Variants in IRAK4 observed in about 807,000 individuals in gnomAD.
IRAK4 encodes the protein interleukin 1 receptor associated kinase 4.
A neutral mutation model predicts 51.8 loss-of-function variants in IRAK4; 44 were observed. The ratio of observed to expected loss-of-function variants is 0.85; its 90% CI spans 0.67 to 1.09. The LOEUF (loss-of-function observed/expected upper bound fraction) is 1.09, where lower values mean the gene tolerates loss of function less well. IRAK4 is among the 50% of genes least tolerant of loss of function. The pLI is 0.00. For synonymous variants in IRAK4, 149 were observed against 174.1 expected (o/e 0.86, Z 1.13); for missense variants, 487 against 538.0 (o/e 0.91, Z 0.94).
chr12:43,785,778 C>T lies in IRAK4; in HGVS notation c.1189-621C>T, dbSNP rs4251541. On this transcript the variant is annotated intron_variant, in intron 10 of 11. Transcript: ENST00000613694. Reference sequence around the variant, plus strand: ...CAAACCTAGATGATATGACCTACGACATACCTGGGCTATATGGTATTGCTC... The same window carrying T: ...CAAACCTAGATGATATGACCTACGATATACCTGGGCTATATGGTATTGCTC... Among the ~76,000 whole-genome samples the T allele has an allele frequency of 8.4e-3, 1,271 of 151,906 alleles. 18 individuals are homozygous for T. Among genetic ancestry groups the T allele is most frequent in the African/African-American group, 0.028 (1,149 of 41,462 alleles).
Position 43,777,695 on chromosome 12 carries a change from T to A in IRAK4, c.782T>A (p.Val261Glu). The A allele has an allele frequency of 1.9e-6, 3 of 1,613,418 alleles. No individual in the cohort carries two copies. Among genetic ancestry groups the A allele is most frequent in the Non-Finnish European group, 2.5e-6 (3 of 1,179,592 alleles). Residue 261 changes from valine (V) to glutamate (E), a missense_variant, in exon 7 of 12, where the codon GTA becomes GAA. Coordinates refer to ENST00000613694, the MANE Select transcript of IRAK4 (RefSeq NM_016123.4). Reference sequence around the variant, plus strand: ...AGTGATGGAGATGACCTCTGCTTAGTATATGTTTACATGCCTAATGGTTCA... The same window carrying A: ...AGTGATGGAGATGACCTCTGCTTAGAATATGTTTACATGCCTAATGGTTCA... ...FSSDGDDLCL[V>E]YVYMPNGSLL...
At chr12:43,759,872 GAAAAAAAAAA>G (rs1160443880) in intron 1 of IRAK4, among the ~76,000 whole-genome samples, 2 of 76,536 alleles carry the variant, frequency 2.6e-5, no homozygotes, top group African/African-American at 7.1e-5. Context: ...CGTCTCAAAA[GAAAAAAAAAA>G]AAAAAAAAGC....
intron 10 of IRAK4, among the ~76,000 whole-genome samples, chr12:43,785,516 CA>C (rs1432877847): frequency 6.6e-6 from 1 of 151,462 alleles, no homozygotes. Flanking sequence ...CTAATGGGAA[CA>C]TATAAGCAAT....
intron 1 of IRAK4, among the ~76,000 whole-genome samples, chr12:43,764,785 A>G (rs1939945787): frequency 6.6e-6 from 1 of 152,088 alleles, no homozygotes; most frequent in Non-Finnish European, 1.5e-5. Flanking sequence ...TTTTCTGCTA[A>G]ACATTTGACT....
chr12:43,768,273 G>C lies in IRAK4; in HGVS notation c.161+1G>C. 6.2e-7 allele frequency: 1 copy of C among 1,602,088 alleles called. No homozygotes were observed. On this transcript the variant is annotated splice_donor_variant, in intron 2 of 11. Transcript: ENST00000613694. LOFTEE classifies it high-confidence loss of function. ...ATAGATACAATCAGTTTCACATAAGGTAACAGATAAAATTCTTTGTATTTT... is the reference window on the plus strand; with the variant it reads ...ATAGATACAATCAGTTTCACATAAGCTAACAGATAAAATTCTTTGTATTTT...
chr12:43,773,179 C>A (rs1940951312), intron 5 of IRAK4, 107 bp downstream of exon 5: 3 of 1,058,026 alleles, frequency 2.8e-6, no homozygotes, highest in East Asian at 2.7e-5. Context: ...TATGTATTTT[C>A]TTTAAATAAA....
chr12:43,768,760 A>G (rs541631741), intron 2 of IRAK4, among the ~76,000 whole-genome samples: 1 of 152,344 alleles, frequency 6.6e-6, no homozygotes, highest in East Asian at 1.9e-4. Flanking sequence ...CTTAAATCTT[A>G]GCTAGGATTT....
At position 43,788,875 on chromosome 12, in the gene IRAK4, T is replaced by TAGCCAATTTCTCC. The variant is rs1401861923; in HGVS notation, c.*2161_*2173dup. On this transcript the variant is annotated 3_prime_UTR_variant, in exon 12 of 12. Coordinates refer to ENST00000613694, the MANE Select transcript of IRAK4 (RefSeq NM_016123.4). ...GCCAGGATCCTGTTGCCCCTTTCTT[T>TAGCCAATTTCTCC]AGCCAATTTCTCCCTTTTGGGACAA... 1 of 152,184 alleles carries TAGCCAATTTCTCC rather than the reference T, an allele frequency of 6.6e-6. No homozygotes were observed. Among genetic ancestry groups the TAGCCAATTTCTCC allele is most frequent in the African/African-American group, 2.4e-5 (1 of 41,444 alleles). 9.4% of individuals were successfully genotyped at this position (152,184 alleles called of 1,614,324 possible).
chr12:43,778,216 G>A lies in IRAK4; in HGVS notation c.855G>A (p.Trp285Ter). 1 of 1,607,446 alleles carries A rather than the reference G, an allele frequency of 6.2e-7. No homozygotes were observed. The highest frequency in any genetic ancestry group is 8.5e-7 in the Non-Finnish European group (1 of 1,174,348). Residue 285 changes from tryptophan (W) to a stop codon, truncating the protein, a stop_gained, in exon 8 of 12, where the codon TGG (tryptophan) becomes TGA (stop). Transcript: ENST00000613694. LOFTEE classifies it high-confidence loss of function. ...AGGATGGTACTCCACCACTTTCTTG[G>A]CACATGAGATGCAAGATTGCTCAGG... ...SCLDGTPPLS[W>*]HMRCKIAQGA...
At chr12:43,773,114 T>C (rs924931349) in intron 5 of IRAK4, 42 bp downstream of exon 5, 5 of 1,544,142 alleles carry the variant, frequency 3.2e-6, no homozygotes, top group Non-Finnish European at 8.9e-7. Flanking sequence ...AGTTGCTTCA[T>C]AGTGTGCCCT....
intron 1 of IRAK4, among the ~76,000 whole-genome samples, chr12:43,764,525 T>G (rs984694182): frequency 6.6e-6 from 1 of 152,224 alleles, no homozygotes; most frequent in African/African-American, 2.4e-5. Context: ...CCTAAAGAAC[T>G]GAGAGTCCTG....
Position 43,765,454 on chromosome 12 carries a change from T to G in IRAK4, c.-9-2649T>G, listed in dbSNP as rs11182255. Among the ~76,000 whole-genome samples the G allele has an allele frequency of 3.3e-5, 5 of 152,324 alleles. No homozygotes were observed. The East Asian group carries it at 9.6e-4, about 29-fold the overall frequency. On this transcript the variant is annotated intron_variant, in intron 1 of 11. Transcript: ENST00000613694. ...TAAAGCATCAGTGATTTCACCATTC[T>G]TCCAACCAACCTCCACCATAAATGT... is the stretch of plus-strand genomic sequence containing the variant.
Position 43,771,357 on chromosome 12 carries a change from T to G in IRAK4, c.299T>G (p.Leu100Trp), listed in dbSNP as rs1235794135. 6.2e-7 allele frequency: 1 copy of G among 1,614,176 alleles called. No individual in the cohort carries two copies. The highest frequency in any genetic ancestry group is 2.2e-5 in the East Asian group (1 of 44,880). ...GAATTTTTTGCTCCTGCGAGTCTTT[T>G]GCTCCCAGGTAAACTGATTGTGACC... Reference protein sequence around the residue: ...QNEFFAPASLLLPDAVPKTAN... With the variant: ...QNEFFAPASLWLPDAVPKTAN... Residue 100 changes from leucine to tryptophan, a missense_variant, in exon 3 of 12, where the codon TTG becomes TGG. Transcript: ENST00000613694.
At chr12:43,766,606 C>T (rs896823583) in intron 1 of IRAK4, among the ~76,000 whole-genome samples, 4 of 152,104 alleles carry the variant, frequency 2.6e-5, no homozygotes, top group Admixed American at 6.6e-5. Flanking sequence ...AATGGTCTTT[C>T]TGAAATAGAG....
At chr12:43,764,840 C>T (rs1440164923) in intron 1 of IRAK4, among the ~76,000 whole-genome samples, 1 of 152,174 alleles carries the variant, frequency 6.6e-6, no homozygotes, top group East Asian at 1.9e-4. Context: ...CTTAGAAAAG[C>T]TACTGTTTCT....
At chr12:43,765,238 G>A (rs4251448) in intron 1 of IRAK4, among the ~76,000 whole-genome samples, 296 of 152,264 alleles carry the variant, frequency 1.9e-3, no homozygotes, top group African/African-American at 6.2e-3. Context: ...AGTTGTCTAT[G>A]GTGTTCACTG....
chr12:43,782,633 G>GAAGTTTAT, intron 9 of IRAK4, 143 bp downstream of exon 9: 1 of 691,984 alleles, frequency 1.4e-6, no homozygotes, highest in African/African-American at 1.8e-5. Context: ...ACTTATACCA[G>GAAGTTTAT]AAAGTTTATA....
At chr12:43,775,870 A>G (rs1160534162) in intron 6 of IRAK4, among the ~76,000 whole-genome samples, 1 of 119,004 alleles carries the variant, frequency 8.4e-6, no homozygotes, top group South Asian at 2.5e-4. Context: ...ATTTAATATC[A>G]TTACTTTTTT....
At chr12:43,759,714 C>T (rs1450407015) in intron 1 of IRAK4, 1 of 152,020 alleles carries the variant, frequency 6.6e-6, no homozygotes, top group African/African-American at 2.4e-5. Flanking sequence ...TACTAAGATA[C>T]AAAATTTAGC....
Sources: gnomAD v4.1 joint callset for allele counts (sites outside exome capture counted in the v4.1 genomes callset) on GRCh38, gnomAD v4.1.1 for gene constraint, MANE v1.5 for transcripts, NCBI Gene and HGNC (gene_info 2026-07-23, HGNC 2026-07-21) for gene names.